PRDM6: variants seen among roughly 807,000 people sequenced by gnomAD.
The protein encoded by PRDM6 is PR/SET domain 6, also known as putative histone-lysine N-methyltransferase PRDM6.
Under a neutral mutation model 60.8 loss-of-function variants are expected in PRDM6, and 25 were observed. That is an observed-to-expected ratio of 0.41 (90% CI 0.30 to 0.57). The LOEUF is 0.57. PRDM6 is among the 20% of genes least tolerant of loss of function. The probability of loss-of-function intolerance (pLI) is 0.27; values close to 1 mark genes in which losing one functional copy is unlikely to be tolerated. For synonymous variants in PRDM6, 407 were observed against 357.4 expected (o/e 1.14, Z -1.57); for missense variants, 839 against 821.3 (o/e 1.02, Z -0.26).
At position 123,140,072 on chromosome 5, in the gene PRDM6, T is replaced by C. The variant is rs372440984; in HGVS notation, c.901-15812T>C. On this transcript the variant is annotated intron_variant, in intron 3 of 7. Coordinates refer to ENST00000407847, the MANE Select transcript of PRDM6 (RefSeq NM_001136239.4). Reference sequence around the variant, plus strand: ...AGTTTATATCAAACCATTCAAAAATTTTCTAAGCACTGTTGCAAGCTCGTA... The same window carrying C: ...AGTTTATATCAAACCATTCAAAAATCTTCTAAGCACTGTTGCAAGCTCGTA... Among the ~76,000 whole-genome samples, 68 of 152,260 alleles carry C rather than the reference T, an allele frequency of 4.5e-4. 1 individual carries two copies. The highest frequency in any genetic ancestry group is 1.6e-3 in the African/African-American group (67 of 41,556).
intron 3 of PRDM6, among the ~76,000 whole-genome samples, chr5:123,115,585 TAAAAAG>T (rs1764421336): frequency 6.6e-6 from 1 of 152,174 alleles, no homozygotes; most frequent in African/African-American, 2.4e-5. Flanking sequence ...AAAAATATTT[TAAAAAG>T]AAAAAAACAA....
intron 2 of PRDM6, among the ~76,000 whole-genome samples, chr5:123,098,017 C>T (rs193122142): frequency 6.6e-6 from 1 of 152,336 alleles, no homozygotes; most frequent in East Asian, 1.9e-4. Context: ...ATAGTCAGCC[C>T]TCCTTTGCTG....
chr5:123,161,084 A>G lies in PRDM6; in HGVS notation c.1153+1446A>G, dbSNP rs1765620515. On this transcript the variant is annotated intron_variant, in intron 5 of 7. Coordinates refer to ENST00000407847, the MANE Select transcript of PRDM6 (RefSeq NM_001136239.4). ...GGTTGGAACCTTGATGTAACCATCT[A>G]GAGTGTTTGATCCAAAAGGATTCTA... Among the ~76,000 whole-genome samples the G allele has an allele frequency of 2.6e-5, 4 of 152,346 alleles. No individual in the cohort carries two copies. In the South Asian group the frequency reaches 8.3e-4, roughly 32 times the overall value.
At chr5:123,169,222 A>G (rs1765830024) in intron 5 of PRDM6, among the ~76,000 whole-genome samples, 1 of 152,242 alleles carries the variant, frequency 6.6e-6, no homozygotes, top group Non-Finnish European at 1.5e-5. Flanking sequence ...AAAATAAAAA[A>G]AGAAGAATTT....
chr5:123,147,285 G>A lies in PRDM6; in HGVS notation c.901-8599G>A, dbSNP rs1312659704. 2.0e-5 allele frequency among the ~76,000 whole-genome samples: 3 copies of A among 150,102 alleles called. No homozygotes were observed. In the East Asian group the frequency reaches 5.8e-4, roughly 29 times the overall value. Reference sequence around the variant, plus strand: ...CATTAACACTGATACTAAAAAGAGAGAGAGAGAGAGAGAGAGAGAGAGAAA... The same window carrying A: ...CATTAACACTGATACTAAAAAGAGAAAGAGAGAGAGAGAGAGAGAGAGAAA... On this transcript the variant is annotated intron_variant, in intron 3 of 7. Transcript: ENST00000407847.
intron 3 of PRDM6, among the ~76,000 whole-genome samples, chr5:123,126,799 G>C (rs891909097): frequency 6.6e-6 from 1 of 152,146 alleles, no homozygotes; most frequent in African/African-American, 2.4e-5. Flanking sequence ...TCCAAGAAAA[G>C]CCTTCTAGCT....
At chr5:123,151,784 G>A (rs1580520999) in intron 3 of PRDM6, among the ~76,000 whole-genome samples, 1 of 152,196 alleles carries the variant, frequency 6.6e-6, no homozygotes, top group East Asian at 1.9e-4. Context: ...AGCTCACCTT[G>A]GGCCCCTAGA....
chr5:123,128,127 CATG>C (rs1764736564), intron 3 of PRDM6, among the ~76,000 whole-genome samples: 1 of 152,192 alleles, frequency 6.6e-6, no homozygotes, highest in South Asian at 2.1e-4. Context: ...CACAGTATTC[CATG>C]GTGTATATGT....
chr5:123,096,944 G>C (rs981339701), intron 2 of PRDM6, among the ~76,000 whole-genome samples: 1 of 152,092 alleles, frequency 6.6e-6, no homozygotes, highest in African/African-American at 2.4e-5. Flanking sequence ...GTGTGGAGAA[G>C]CATGTTGGAA....
intron 3 of PRDM6, among the ~76,000 whole-genome samples, chr5:123,147,516 T>C (rs1765273416): frequency 6.6e-6 from 1 of 152,128 alleles, no homozygotes; most frequent in African/African-American, 2.4e-5. Context: ...CCGTGAAAAA[T>C]GGCAAACATG....
intron 3 of PRDM6, among the ~76,000 whole-genome samples, chr5:123,124,609 C>T (rs1240825221): frequency 6.6e-6 from 1 of 152,134 alleles, no homozygotes; most frequent in Non-Finnish European, 1.5e-5. Flanking sequence ...AATCACACTG[C>T]CTTGATTTAG....
At chr5:123,112,164 G>A (rs984977115) in intron 3 of PRDM6, among the ~76,000 whole-genome samples, 1 of 151,420 alleles carries the variant, frequency 6.6e-6, no homozygotes, top group East Asian at 1.9e-4. Flanking sequence ...TACTTCCAGA[G>A]GAAGTGGCCC....
chr5:123,159,705 G>C, intron 5 of PRDM6, 67 bp downstream of exon 5: 1 of 1,479,540 alleles, frequency 6.8e-7, no homozygotes, highest in East Asian at 2.5e-5. Context: ...CTTTTTAAGA[G>C]CTTTTTTTGA....
At chr5:123,157,704 T>C (rs115039346) in intron 4 of PRDM6, among the ~76,000 whole-genome samples, 1 of 152,352 alleles carries the variant, frequency 6.6e-6, no homozygotes, top group African/African-American at 2.4e-5. Flanking sequence ...GCCAGGCTAA[T>C]TTTTATTGTA....
intron 7 of PRDM6, among the ~76,000 whole-genome samples, chr5:123,183,746 G>A (rs77138932): frequency 0.012 from 1,883 of 152,268 alleles, 46 homozygotes; most frequent in African/African-American, 0.043. Context: ...AGGCAGGAAG[G>A]AAGGAAATAA....
At chr5:123,174,379 C>G (rs1414462048) in intron 6 of PRDM6, among the ~76,000 whole-genome samples, 1 of 152,198 alleles carries the variant, frequency 6.6e-6, no homozygotes, top group Non-Finnish European at 1.5e-5. Context: ...ATGCATTTCC[C>G]TTGCTCAGAA....
At chr5:123,091,013 C>T (rs1017886780) in intron 2 of PRDM6, among the ~76,000 whole-genome samples, 25 of 152,102 alleles carry the variant, frequency 1.6e-4, no homozygotes, top group Non-Finnish European at 3.2e-4. Context: ...TTAGCCGGGA[C>T]GAGGGAGGGA....
At chr5:123,134,574 G>A (rs1463192179) in intron 3 of PRDM6, among the ~76,000 whole-genome samples, 1 of 152,050 alleles carries the variant, frequency 6.6e-6, no homozygotes, top group East Asian at 1.9e-4. Flanking sequence ...CACACAGAAA[G>A]CTAATTTTAT....
intron 3 of PRDM6, among the ~76,000 whole-genome samples, chr5:123,144,862 G>T (rs552059310): frequency 1.3e-5 from 2 of 152,048 alleles, no homozygotes; most frequent in African/African-American, 4.8e-5. Flanking sequence ...GACATGGCCC[G>T]GCCCTTAATG....
Sources: allele counts gnomAD v4.1 joint callset (sites outside exome capture counted in the v4.1 genomes callset), GRCh38; gene constraint gnomAD v4.1.1; transcripts MANE v1.5; gene names NCBI Gene and HGNC (gene_info 2026-07-23, HGNC 2026-07-21).